The following ANKIB1 variants were observed in gnomAD, a reference collection of about 807,000 sequenced individuals.
The protein encoded by ANKIB1 is ankyrin repeat and IBR domain containing 1.
In ANKIB1, 43 loss-of-function variants were observed where a neutral mutation model predicts 122.1. The observed-to-expected ratio is 0.35, with a 90% CI of 0.28 to 0.45. The LOEUF (loss-of-function observed/expected upper bound fraction) is 0.45, where lower values mean the gene tolerates loss of function less well. Ranked by LOEUF, ANKIB1 falls within the 20% of genes least tolerant of loss-of-function variation. The pLI, the probability that ANKIB1 is intolerant of heterozygous loss-of-function variation, is 1.00. For missense variants in ANKIB1, 992 were observed against 1,329.5 expected (o/e 0.75, Z 3.95); for synonymous variants, 390 against 442.0 (o/e 0.88, Z 1.48).
intron 1 of ANKIB1, among the ~76,000 whole-genome samples, chr7:92,294,247 GTATA>G (rs1562773580): frequency 3.3e-5 from 5 of 152,088 alleles, no homozygotes; most frequent in African/African-American, 9.7e-5. Context: ...CTTAAATTCT[GTATA>G]GCAGAAAGAA....
In ANKIB1 at chr7:92,397,814, T is replaced by G; in HGVS notation, c.2487T>G (p.Arg829=). The G allele has an allele frequency of 6.2e-7, 1 of 1,607,912 alleles. No homozygotes were observed. The highest frequency in any genetic ancestry group is 8.5e-7 in the Non-Finnish European group (1 of 1,178,188). ...SMSVLHSSSL[R]DYTPASRSEN... ...GTGTGCTGCACAGCTCTTCCCTGCG[T>G]GACTACACCCCTGCCAGTCGCTCTG... Residue 829 remains arginine (R), a synonymous_variant, in exon 19 of 20, where the codon CGT becomes CGG. Coordinates refer to ENST00000265742, the MANE Select transcript of ANKIB1 (RefSeq NM_019004.2).
chr7:92,371,950 GGTGTGTGTGTGTGTGTGTGTGTGTGTGT>G (rs55936298), intron 11 of ANKIB1, among the ~76,000 whole-genome samples: 65 of 118,148 alleles, frequency 5.5e-4, no homozygotes, highest in African/African-American at 1.6e-3. Context: ...TTGAGAGAGG[GGTGTGTGTGTGTGTGTGTGTGTGTGTGT>G]GTGTGTGTGT....
intron 9 of ANKIB1, among the ~76,000 whole-genome samples, chr7:92,355,847 T>C (rs1350696269): frequency 9.1e-6 from 1 of 110,432 alleles, no homozygotes; most frequent in Non-Finnish European, 1.8e-5. Flanking sequence ...AGACTCCGTC[T>C]CATAATAATA....
chr7:92,398,736 A>G lies in ANKIB1; in HGVS notation c.3057A>G (p.Pro1019=). Residue 1019 remains proline, a synonymous_variant, in exon 20 of 20, where the codon CCA becomes CCG. Transcript: ENST00000265742. ...TGAAGGATGTGGAACTGGTGCTGCCAGAAGATTCAATGTTTGAAGATGCCA... is the reference window on the plus strand; with the variant it reads ...TGAAGGATGTGGAACTGGTGCTGCCGGAAGATTCAATGTTTGAAGATGCCA... ...EGVKDVELVL[P]EDSMFEDASV... The G allele has an allele frequency of 6.2e-7, 1 of 1,613,476 alleles. No individual in the cohort carries two copies. Among genetic ancestry groups the G allele is most frequent in the Non-Finnish European group, 8.5e-7 (1 of 1,179,622 alleles).
At chr7:92,248,434 A>G (rs1256390541) in intron 1 of ANKIB1, among the ~76,000 whole-genome samples, 1 of 152,124 alleles carries the variant, frequency 6.6e-6, no homozygotes, top group Admixed American at 6.5e-5. Context: ...TGGGGTATGC[A>G]CTCAAACTTG....
At chr7:92,269,550 A>G (rs1209090741) in intron 1 of ANKIB1, among the ~76,000 whole-genome samples, 1 of 152,210 alleles carries the variant, frequency 6.6e-6, no homozygotes, top group African/African-American at 2.4e-5. Flanking sequence ...AAGCTCTGTA[A>G]GGAAAACGTT....
intron 5 of ANKIB1, among the ~76,000 whole-genome samples, chr7:92,339,236 G>A (rs1247068700): frequency 6.6e-6 from 1 of 151,228 alleles, no homozygotes; most frequent in Non-Finnish European, 1.5e-5. Context: ...TAGCGATGGG[G>A]TTTCACTGTG....
At chr7:92,255,135 C>T (rs2131875489) in intron 1 of ANKIB1, among the ~76,000 whole-genome samples, 1 of 152,252 alleles carries the variant, frequency 6.6e-6, no homozygotes, top group East Asian at 1.9e-4. Flanking sequence ...TCTTTTTCTT[C>T]CCTGTCTTGG....
intron 1 of ANKIB1, among the ~76,000 whole-genome samples, chr7:92,276,504 GTAAGGATAGCCA>G (rs1433912722): frequency 1.3e-4 from 20 of 152,340 alleles, no homozygotes; most frequent in Admixed American, 8.5e-4. Flanking sequence ...GGAGGCCTTT[GTAAGGATAGCCA>G]TCTCAAGCCT....
intron 1 of ANKIB1, among the ~76,000 whole-genome samples, chr7:92,255,942 A>T (rs1057178450): frequency 4.6e-5 from 7 of 152,204 alleles, no homozygotes; most frequent in African/African-American, 1.7e-4. Context: ...ATATGGTGTG[A>T]TTCTCATCCT....
chr7:92,385,854 C>T (rs1254276298), intron 11 of ANKIB1, among the ~76,000 whole-genome samples: 1 of 152,060 alleles, frequency 6.6e-6, no homozygotes. Context: ...ACCTTGTGCA[C>T]ATGTACCCTA....
chr7:92,270,173 C>T (rs1304481035), intron 1 of ANKIB1, among the ~76,000 whole-genome samples: 2 of 152,150 alleles, frequency 1.3e-5, no homozygotes, highest in Non-Finnish European at 2.9e-5. Flanking sequence ...AATGATCCTC[C>T]CACCACAGCC....
At chr7:92,320,848 G>A (rs144378428) in intron 4 of ANKIB1, among the ~76,000 whole-genome samples, 141 of 151,854 alleles carry the variant, frequency 9.3e-4, no homozygotes, top group African/African-American at 3.0e-3. Context: ...ATGATTTTTC[G>A]TTGTACTTAG....
At chr7:92,249,295 A>G (rs1801270219) in intron 1 of ANKIB1, among the ~76,000 whole-genome samples, 1 of 152,172 alleles carries the variant, frequency 6.6e-6, no homozygotes, top group African/African-American at 2.4e-5. Context: ...TAAATTAGTC[A>G]AGGTTCCTTT....
intron 1 of ANKIB1, among the ~76,000 whole-genome samples, chr7:92,281,137 T>G (rs377528616): frequency 2.9e-4 from 44 of 152,232 alleles, no homozygotes; most frequent in African/African-American, 9.9e-4. Flanking sequence ...CATACAATAC[T>G]TATGTAATTT....
intron 1 of ANKIB1, among the ~76,000 whole-genome samples, chr7:92,259,561 T>C (rs1211119132): frequency 6.6e-6 from 1 of 152,200 alleles, no homozygotes; most frequent in African/African-American, 2.4e-5. Flanking sequence ...TATCAGGGGA[T>C]TTATATTTTT....
chr7:92,373,567 A>G (rs1262397134), intron 11 of ANKIB1, among the ~76,000 whole-genome samples: 1 of 152,200 alleles, frequency 6.6e-6, no homozygotes, highest in African/African-American at 2.4e-5. Context: ...GCATTGAACA[A>G]TAAAAGCTGA....
chr7:92,370,483 G>A (rs1804215118), intron 10 of ANKIB1, among the ~76,000 whole-genome samples: 1 of 136,620 alleles, frequency 7.3e-6, no homozygotes, highest in South Asian at 2.4e-4. Context: ...ACTCCAGCCT[G>A]GGTGACAGAG....
At chr7:92,342,290 G>A (rs1428717921) in intron 5 of ANKIB1, among the ~76,000 whole-genome samples, 1 of 152,134 alleles carries the variant, frequency 6.6e-6, no homozygotes, top group Non-Finnish European at 1.5e-5. Flanking sequence ...TAATTGAAAA[G>A]TTTGCTGGGA....
Sources: gnomAD v4.1 joint callset for allele counts (sites outside exome capture counted in the v4.1 genomes callset) on GRCh38, gnomAD v4.1.1 for gene constraint, MANE v1.5 for transcripts, NCBI Gene and HGNC (gene_info 2026-07-23, HGNC 2026-07-21) for gene names.